CYP7B1: variants seen among roughly 807,000 people sequenced by gnomAD.
The protein encoded by CYP7B1 is cytochrome P450 family 7 subfamily B member 1.
Under a neutral mutation model 42.7 loss-of-function variants are expected in CYP7B1, and 29 were observed. The ratio of observed to expected loss-of-function variants is 0.68; its 90% CI spans 0.51 to 0.93. The LOEUF is 0.93. CYP7B1 is among the 40% of genes least tolerant of loss of function. The probability of loss-of-function intolerance (pLI) is 0.00; values close to 1 mark genes in which losing one functional copy is unlikely to be tolerated. For synonymous variants in CYP7B1, 235 were observed against 218.2 expected (o/e 1.08, Z -0.68); for missense variants, 655 against 600.5 (o/e 1.09, Z -0.95).
chr8:64,770,486 C>A (rs1434646792), intron 1 of CYP7B1, among the ~76,000 whole-genome samples: 1 of 152,118 alleles, frequency 6.6e-6, no homozygotes, highest in East Asian at 1.9e-4. Context: ...GTTATAAATA[C>A]CTATTAAAAG....
chr8:64,785,608 G>A (rs1430522326), intron 1 of CYP7B1, among the ~76,000 whole-genome samples: 1 of 151,984 alleles, frequency 6.6e-6, no homozygotes, highest in African/African-American at 2.4e-5. Context: ...AATGTGAAAA[G>A]GCAGCACACA....
At chr8:64,660,521 G>A (rs1362082038) in intron 1 of CYP7B1, among the ~76,000 whole-genome samples, 1 of 152,172 alleles carries the variant, frequency 6.6e-6, no homozygotes, top group Non-Finnish European at 1.5e-5. Flanking sequence ...TTTGTTGCAG[G>A]TCTCAATCCT....
At chr8:64,767,283 A>G (rs1804107819) in intron 1 of CYP7B1, among the ~76,000 whole-genome samples, 1 of 152,172 alleles carries the variant, frequency 6.6e-6, no homozygotes. Context: ...GGCAGTACAG[A>G]AACCTAAAGA....
chr8:64,672,977 T>G (rs1806388451), intron 1 of CYP7B1, among the ~76,000 whole-genome samples: 1 of 152,050 alleles, frequency 6.6e-6, no homozygotes, highest in African/African-American at 2.4e-5. Context: ...TTGAGTTCTG[T>G]GCATGTCAAG....
chr8:64,693,519 A>G (rs902052094), intron 1 of CYP7B1, among the ~76,000 whole-genome samples: 1 of 152,192 alleles, frequency 6.6e-6, no homozygotes. Flanking sequence ...TACTTAAATG[A>G]TCCTTTCCTC....
intron 4 of CYP7B1, among the ~76,000 whole-genome samples, chr8:64,606,334 G>A (rs529079439): frequency 3.3e-5 from 5 of 152,364 alleles, no homozygotes; most frequent in Non-Finnish European, 4.4e-5. Flanking sequence ...TTTCTGTGGT[G>A]AAAAGCAAGG....
intron 1 of CYP7B1, among the ~76,000 whole-genome samples, chr8:64,715,549 C>A (rs182417182): frequency 6.6e-6 from 1 of 152,154 alleles, no homozygotes; most frequent in African/African-American, 2.4e-5. Flanking sequence ...AAAGAACATC[C>A]CATTTTGCTA....
intron 1 of CYP7B1, among the ~76,000 whole-genome samples, chr8:64,747,430 C>T (rs1368911645): frequency 1.3e-5 from 2 of 151,212 alleles, no homozygotes; most frequent in African/African-American, 4.8e-5. Context: ...TAACTAATAG[C>T]ATACTGTTGA....
intron 1 of CYP7B1, among the ~76,000 whole-genome samples, chr8:64,684,833 T>C (rs569763965): frequency 1.3e-5 from 2 of 152,350 alleles, no homozygotes; most frequent in Non-Finnish European, 2.9e-5. Flanking sequence ...GAAAAGGCGC[T>C]TGACATCATT....
intron 1 of CYP7B1, among the ~76,000 whole-genome samples, chr8:64,722,743 C>T (rs113260120): frequency 1.3e-4 from 1 of 7,638 alleles, no homozygotes; most frequent in Non-Finnish European, 3.0e-4. Flanking sequence ...TTTTTTGCGG[C>T]GGGGGGGGGG....
chr8:64,703,929 G>A (rs926594395), intron 1 of CYP7B1: 1 of 151,968 alleles, frequency 6.6e-6, no homozygotes, highest in Non-Finnish European at 1.5e-5. Context: ...TGAATATTGT[G>A]GGTAATAAAT....
chr8:64,598,235 C>T (rs960223710), intron 5 of CYP7B1, among the ~76,000 whole-genome samples: 17 of 152,254 alleles, frequency 1.1e-4, no homozygotes, highest in East Asian at 1.9e-4. Context: ...CTTTAAAACA[C>T]GTATTTTACC....
At chr8:64,756,320 TGGG>T (rs1330490009) in intron 1 of CYP7B1, among the ~76,000 whole-genome samples, 1 of 152,190 alleles carries the variant, frequency 6.6e-6, no homozygotes, top group African/African-American at 2.4e-5. Context: ...TGTCTTTAAT[TGGG>T]TACATATTTT....
intron 1 of CYP7B1, among the ~76,000 whole-genome samples, chr8:64,646,185 C>T (rs1805951366): frequency 6.6e-6 from 1 of 151,964 alleles, no homozygotes; most frequent in Non-Finnish European, 1.5e-5. Flanking sequence ...CAACAAAAGA[C>T]AAAATTGACA....
chr8:64,759,737 A>C (rs896840465), intron 1 of CYP7B1, among the ~76,000 whole-genome samples: 1 of 152,224 alleles, frequency 6.6e-6, no homozygotes, highest in African/African-American at 2.4e-5. Flanking sequence ...AGCTATTTAC[A>C]TGAAGATCAG....
intron 1 of CYP7B1, among the ~76,000 whole-genome samples, chr8:64,654,445 C>A (rs1806089763): frequency 6.6e-6 from 1 of 152,066 alleles, no homozygotes; most frequent in Non-Finnish European, 1.5e-5. Flanking sequence ...AATGCAATAC[C>A]TAGGAATATA....
intron 1 of CYP7B1, among the ~76,000 whole-genome samples, chr8:64,711,361 G>A (rs1407480170): frequency 6.6e-6 from 1 of 152,152 alleles, no homozygotes; most frequent in Non-Finnish European, 1.5e-5. Flanking sequence ...TCTCCTGCTT[G>A]GTGGCCTCAC....
chr8:64,619,804 G>C (rs1805500454), intron 2 of CYP7B1, among the ~76,000 whole-genome samples: 1 of 152,078 alleles, frequency 6.6e-6, no homozygotes, highest in African/African-American at 2.4e-5. Context: ...CAAACAAAAA[G>C]TTTTGACATC....
chr8:64,598,202 T>A (rs1805146915), intron 5 of CYP7B1, among the ~76,000 whole-genome samples: 1 of 152,220 alleles, frequency 6.6e-6, no homozygotes, highest in Non-Finnish European at 1.5e-5. Context: ...ACTGCTCAAT[T>A]CCTGATAGTG....
Sources: allele counts gnomAD v4.1 joint callset (sites outside exome capture counted in the v4.1 genomes callset), GRCh38; gene constraint gnomAD v4.1.1; transcripts MANE v1.5; gene names NCBI Gene and HGNC (gene_info 2026-07-23, HGNC 2026-07-21).